ISY1: variants seen among roughly 807,000 people sequenced by gnomAD.
The protein encoded by ISY1 is pre-mRNA-splicing factor ISY1 homolog.
In ISY1, 12 loss-of-function variants were observed where a neutral mutation model predicts 54.4. The ratio of observed to expected loss-of-function variants is 0.22; its 90% confidence interval spans 0.14 to 0.36. The LOEUF is 0.36. ISY1 is among the 10% of genes least tolerant of loss of function. The pLI is 1.00. For synonymous variants in ISY1, 96 were observed against 117.9 expected, an observed-to-expected ratio of 0.81 and a Z score of 1.20; for missense variants, 282 against 342.2, an observed-to-expected ratio of 0.82 and a Z score of 1.39.
rs757823960 is a variant in ISY1, at chr3:129,140,371, C to T, written c.415G>A (p.Glu139Lys). 1.9e-6 allele frequency: 3 copies of T among 1,602,304 alleles called. No homozygotes were observed. The South Asian group carries it at 3.4e-5, about 18-fold the overall frequency. ...AAACTGTCACAAACTTACTTACGTT[C>T]TTTTTCAAACAGCTCTCTAACACCA... ...LPGVRELFEK[E>K]PLPPPRKTRA... The change falls in exon 7 of 11, where the codon GAA becomes AAA. Residue 139 changes from glutamate to lysine, a missense_variant. Glu to Lys is a moderately conservative substitution (Grantham distance 56, BLOSUM62 1). Around this residue, in one of 2 missense-constraint regions of ISY1, gnomAD observed 279 missense variants for 323.6 expected, o/e 0.86. Transcript: ENST00000393295.
At chr3:129,139,487 T>C (rs1936541845) in intron 7 of ISY1, among the ~76,000 whole-genome samples, 1 of 152,172 alleles carries the variant, frequency 6.6e-6, no homozygotes, top group Non-Finnish European at 1.5e-5. Context: ...CTCATACTTT[T>C]TCCTATGAAG....
intron 2 of ISY1, among the ~76,000 whole-genome samples, chr3:129,158,848 C>T (rs1222774946): frequency 1.3e-5 from 2 of 152,148 alleles, no homozygotes; most frequent in Non-Finnish European, 2.9e-5. Context: ...AGCAATACAT[C>T]CAGGTGTTAA....
intron 5 of ISY1, among the ~76,000 whole-genome samples, chr3:129,151,551 C>G (rs1161718225): frequency 1.3e-5 from 2 of 151,794 alleles, no homozygotes; most frequent in Non-Finnish European, 2.9e-5. Flanking sequence ...ATCGCTTGAA[C>G]CCAGGGGACA....
chr3:129,141,326 C>T (rs1936604993), intron 6 of ISY1, among the ~76,000 whole-genome samples: 1 of 149,628 alleles, frequency 6.7e-6, no homozygotes, highest in South Asian at 2.1e-4. Context: ...CAGGAGTTCA[C>T]GACCAGCATG....
chr3:129,160,893 A>C (rs1937289041), intron 1 of ISY1, 80 bp downstream of exon 1: 8 of 1,518,676 alleles, frequency 5.3e-6, no homozygotes, highest in South Asian at 2.4e-5. Flanking sequence ...GCCTCTACCG[A>C]ATGAGCGCCC....
Position 129,160,918 on chromosome 3 carries a change from G to GGCCCGGGGGGGGGGGGGGGGGGCC in ISY1, c.3+54_3+55insGGCCCCCCCCCCCCCCCCCCGGGC. ...AATGAGCGCCCCAGGTGGACTGGGCGCCCCCCCGCCCGCCCGCCCATCCAC... is the reference window on the plus strand; with the variant it reads ...AATGAGCGCCCCAGGTGGACTGGGCGGCCCGGGGGGGGGGGGGGGGGGCCCCCCCCCGCCCGCCCGCCCATCCAC... On this transcript the variant is annotated intron_variant, in intron 1 of 10. Coordinates refer to ENST00000393295, the MANE Select transcript of ISY1 (RefSeq NM_020701.4). The GGCCCGGGGGGGGGGGGGGGGGGCC allele has an allele frequency of 3.0e-6, 2 of 666,126 alleles. 1 individual carries two copies. The highest frequency in any genetic ancestry group is 5.5e-6 in the Non-Finnish European group (2 of 364,542). 41.3% of individuals were successfully genotyped at this position (666,126 alleles called of 1,614,324 possible). A position where few individuals can be genotyped will look rare whatever the true frequency, so the allele number is the denominator to read the frequency against.
intron 5 of ISY1, among the ~76,000 whole-genome samples, chr3:129,154,824 G>C (rs1937088491): frequency 6.6e-6 from 1 of 151,858 alleles, no homozygotes; most frequent in African/African-American, 2.4e-5. Flanking sequence ...AAGTAGCTGG[G>C]ATTACAGGCG....
chr3:129,156,256 G>C (rs991825760), intron 5 of ISY1, among the ~76,000 whole-genome samples: 1 of 151,724 alleles, frequency 6.6e-6, no homozygotes, highest in African/African-American at 2.4e-5. Context: ...AAAATTAGCC[G>C]GGCGTGGTTG....
intron 5 of ISY1, among the ~76,000 whole-genome samples, chr3:129,154,874 A>C (rs560064957): frequency 4.6e-5 from 7 of 150,718 alleles, no homozygotes; most frequent in African/African-American, 1.5e-4. Flanking sequence ...ATTTTTAGTA[A>C]AGACGGGGTT....
intron 2 of ISY1, among the ~76,000 whole-genome samples, chr3:129,158,812 ACT>A (rs1937219086): frequency 6.6e-6 from 1 of 152,256 alleles, no homozygotes; most frequent in South Asian, 2.1e-4. Flanking sequence ...ACTGTGGGAA[ACT>A]CTACTTATCA....
intron 1 of ISY1, 59 bp from the exon 2 acceptor site, chr3:129,159,235 C>T: frequency 1.9e-6 from 3 of 1,575,980 alleles, no homozygotes; most frequent in Non-Finnish European, 2.6e-6. Flanking sequence ...TTTTTCTTGC[C>T]CTTTACTTTT....
intron 7 of ISY1, among the ~76,000 whole-genome samples, chr3:129,137,414 T>C (rs1367858475): frequency 6.6e-6 from 1 of 152,082 alleles, no homozygotes; most frequent in Non-Finnish European, 1.5e-5. Context: ...GAAAAATAAA[T>C]TTAAAAACCC....
chr3:129,160,941 C>T, intron 1 of ISY1, 32 bp downstream of exon 1: 1 of 971,880 alleles, frequency 1.0e-6, no homozygotes, highest in Non-Finnish European at 1.5e-6. Flanking sequence ...CCCGCCCATC[C>T]ACTCGCTCCC....
At chr3:129,154,329 T>G (rs1030495741) in intron 5 of ISY1, among the ~76,000 whole-genome samples, 1 of 147,016 alleles carries the variant, frequency 6.8e-6, no homozygotes, top group African/African-American at 2.5e-5. Flanking sequence ...GCAGGAGAAA[T>G]TGCTTGAACC....
chr3:129,145,332 C>T (rs1410999518), intron 6 of ISY1, among the ~76,000 whole-genome samples: 2 of 151,982 alleles, frequency 1.3e-5, no homozygotes, highest in Middle Eastern at 3.4e-3. Context: ...AAGTGATTCT[C>T]CTGCCTCAGC....
chr3:129,149,171 C>T (rs1470503058), intron 5 of ISY1, among the ~76,000 whole-genome samples: 1 of 151,902 alleles, frequency 6.6e-6, no homozygotes, highest in African/African-American at 2.4e-5. Context: ...GTGGCTCACA[C>T]CTGTAATCCC....
intron 6 of ISY1, among the ~76,000 whole-genome samples, chr3:129,145,507 G>A: frequency 6.6e-6 from 1 of 152,192 alleles, no homozygotes; most frequent in East Asian, 1.9e-4. Flanking sequence ...ATAGGAGTGA[G>A]CTACCATGCC....
chr3:129,144,613 G>C (rs1419712063), intron 6 of ISY1, among the ~76,000 whole-genome samples: 1 of 152,130 alleles, frequency 6.6e-6, no homozygotes, highest in African/African-American at 2.4e-5. Context: ...AATCAGTTAA[G>C]CAGGTCACAA....
At chr3:129,152,171 A>G (rs1487626440) in intron 5 of ISY1, among the ~76,000 whole-genome samples, 1 of 152,062 alleles carries the variant, frequency 6.6e-6, no homozygotes, top group African/African-American at 2.4e-5. Flanking sequence ...GAAAAAAAAA[A>G]GAAGTGCTTT....
Sources: gnomAD v4.1 joint callset for allele counts (sites outside exome capture counted in the v4.1 genomes callset) on GRCh38, gnomAD v4.1.1 for gene constraint, gnomAD v4.1.1 regional missense constraint, MANE v1.5 for transcripts, NCBI Gene and HGNC (gene_info 2026-07-23, HGNC 2026-07-21) for gene names.